TRHDE: variants seen among roughly 807,000 people sequenced by gnomAD.
TRHDE encodes thyrotropin-releasing hormone-degrading ectoenzyme.
A neutral mutation model predicts 125.7 loss-of-function variants in TRHDE; 72 were observed. That is an observed-to-expected ratio of 0.57 (90% CI 0.47 to 0.70). TRHDE has a LOEUF of 0.70. Among genes scored for constraint, TRHDE ranks in the 30% least tolerant of loss-of-function variants. The probability of loss-of-function intolerance (pLI) is 0.00; values close to 1 mark genes in which losing one functional copy is unlikely to be tolerated. For missense variants in TRHDE, 1,110 were observed against 1,327.1 expected (o/e 0.84, Z 2.54); for synonymous variants, 509 against 509.1 (o/e 1.00, Z 0.00).
At chr12:72,184,085 T>C (rs1432645170) in intron 2 of TRHDE, among the ~76,000 whole-genome samples, 1 of 152,212 alleles carries the variant, frequency 6.6e-6, no homozygotes. Flanking sequence ...TGTAGGCAAG[T>C]AGGGAAAATC....
At chr12:72,568,318 A>T (rs778291792) in intron 9 of TRHDE, among the ~76,000 whole-genome samples, 3 of 149,376 alleles carry the variant, frequency 2.0e-5, no homozygotes, top group Non-Finnish European at 2.9e-5. Flanking sequence ...TTTTCCCCCA[A>T]GAAAAATGGT....
rs1173326474 is a variant in TRHDE, at chr12:72,353,079, C to T, written c.1189-24916C>T. ...GGAACTAGGACTTGTTTTTCCCCCA[C>T]ACTTGTAGATTTGTCTTGTGGACAT... On this transcript the variant is annotated intron_variant, in intron 2 of 18. Transcript: ENST00000261180. Among the ~76,000 whole-genome samples the T allele has an allele frequency of 3.3e-5, 5 of 151,418 alleles. No individual in the cohort carries two copies. In the East Asian group the frequency reaches 9.7e-4, roughly 29 times the overall value.
chr12:72,282,988 C>A (rs1419437244), intron 1 of TRHDE, among the ~76,000 whole-genome samples: 1 of 152,098 alleles, frequency 6.6e-6, no homozygotes, highest in African/African-American at 2.4e-5. Context: ...AAATAATTAT[C>A]CAGCCTAAAA....
At position 72,647,746 on chromosome 12, in the gene TRHDE, T is replaced by C. The variant is rs547801330; in HGVS notation, c.2676-4576T>C. Reference sequence around the variant, plus strand: ...TGAAGAATTGGCAAGTCTGTACAGATCTATAACTGGGATGGAGATTGAATT... The same window carrying C: ...TGAAGAATTGGCAAGTCTGTACAGACCTATAACTGGGATGGAGATTGAATT... On this transcript the variant is annotated intron_variant, in intron 15 of 18. Coordinates refer to ENST00000261180, the MANE Select transcript of TRHDE (RefSeq NM_013381.3). Among the ~76,000 whole-genome samples the C allele has an allele frequency of 1.8e-4, 28 of 152,162 alleles. No homozygotes were observed. In the South Asian group the frequency reaches 5.2e-3, roughly 28 times the overall value.
At chr12:72,088,865 G>A (rs981945795) in intron 1 of TRHDE, among the ~76,000 whole-genome samples, 2 of 150,960 alleles carry the variant, frequency 1.3e-5, no homozygotes, top group Non-Finnish European at 2.9e-5. Context: ...TCAGCTTCTT[G>A]GTTTCAAATA....
At chr12:72,450,990 A>G (rs998832590) in intron 3 of TRHDE, among the ~76,000 whole-genome samples, 1 of 152,030 alleles carries the variant, frequency 6.6e-6, no homozygotes, top group Non-Finnish European at 1.5e-5. Flanking sequence ...TTCAAAATCA[A>G]ATTATTTGTT....
intron 3 of TRHDE, among the ~76,000 whole-genome samples, chr12:72,398,734 G>A (rs1872911547): frequency 6.6e-6 from 1 of 152,150 alleles, no homozygotes; most frequent in African/African-American, 2.4e-5. Flanking sequence ...TCCCTATGAA[G>A]ACAACAAATG....
At chr12:72,349,714 A>G (rs913506279) in intron 2 of TRHDE, among the ~76,000 whole-genome samples, 22 of 152,040 alleles carry the variant, frequency 1.4e-4, no homozygotes, top group African/African-American at 5.3e-4. Context: ...GTCAAAGAAG[A>G]CCAAGACATG....
intron 2 of TRHDE, chr12:72,167,738 C>T (rs1441787664): frequency 6.6e-6 from 1 of 152,154 alleles, no homozygotes; most frequent in African/African-American, 2.4e-5. Flanking sequence ...ATATTTCTCC[C>T]ATAATTGGAA....
chr12:72,514,382 G>A (rs1228328769), intron 6 of TRHDE, among the ~76,000 whole-genome samples: 1 of 151,904 alleles, frequency 6.6e-6, no homozygotes, highest in East Asian at 1.9e-4. Flanking sequence ...GACATTATAA[G>A]CAAAATGTAA....
intron 2 of TRHDE, among the ~76,000 whole-genome samples, chr12:72,232,681 G>T (rs1242183899): frequency 1.3e-5 from 2 of 152,074 alleles, no homozygotes; most frequent in African/African-American, 4.8e-5. Context: ...ATTCCAGGGA[G>T]GCTCTGACCT....
intron 2 of TRHDE, among the ~76,000 whole-genome samples, chr12:72,359,671 T>C (rs1388484731): frequency 1.3e-5 from 2 of 151,672 alleles, no homozygotes; most frequent in East Asian, 3.9e-4. Flanking sequence ...AGAGATATTA[T>C]TCCAAGGGGA....
At chr12:72,564,670 T>TTTA (rs1870350154) in intron 9 of TRHDE, among the ~76,000 whole-genome samples, 1 of 119,978 alleles carries the variant, frequency 8.3e-6, no homozygotes, top group Non-Finnish European at 1.8e-5. Flanking sequence ...TTTTTTTTTT[T>TTTA]TTTTTTTTTT....
rs550885217 is a variant in TRHDE at position 72,659,458 on chromosome 12, C to G, written c.3066+2450C>G. Among the ~76,000 whole-genome samples, 32 of 152,176 alleles carry G rather than the reference C, an allele frequency of 2.1e-4. 1 individual carries two copies. The highest frequency in any genetic ancestry group is 1.8e-3 in the Admixed American group (28 of 15,276). On this transcript the variant is annotated intron_variant, in intron 18 of 18. Coordinates refer to ENST00000261180, the MANE Select transcript of TRHDE (RefSeq NM_013381.3). ...TCACTGTTGTGGAGGAACATAGATC[C>G]TATGCATCAAAGGCATTACATTTAC...
At chr12:72,334,866 C>G (rs1336254199) in intron 2 of TRHDE, among the ~76,000 whole-genome samples, 1 of 152,130 alleles carries the variant, frequency 6.6e-6, no homozygotes. Context: ...CCCCGGGTCA[C>G]GCCAGGCAGG....
chr12:72,573,164 A>T (rs1378550590), intron 10 of TRHDE, among the ~76,000 whole-genome samples: 1 of 151,944 alleles, frequency 6.6e-6, no homozygotes, highest in Non-Finnish European at 1.5e-5. Context: ...TAAAAAAGAA[A>T]CAACATTCTC....
At chr12:72,653,198 G>T (rs181703061) in intron 17 of TRHDE, 42 bp downstream of exon 17, 2 of 1,544,954 alleles carry the variant, frequency 1.3e-6, no homozygotes, top group Admixed American at 3.8e-5. Context: ...AATTAAAGCC[G>T]ACATAGGAGG....
At chr12:72,507,765 G>C (rs2135944023) in intron 6 of TRHDE, among the ~76,000 whole-genome samples, 1 of 152,332 alleles carries the variant, frequency 6.6e-6, no homozygotes, top group South Asian at 2.1e-4. Flanking sequence ...GGGGAAAAAT[G>C]CCTTGAAGGC....
intron 9 of TRHDE, among the ~76,000 whole-genome samples, chr12:72,568,307 T>G (rs143338310): frequency 8.2e-4 from 125 of 152,078 alleles, no homozygotes; most frequent in African/African-American, 2.7e-3. Flanking sequence ...ATGCGAATCT[T>G]TTTTCCCCCA....
Sources: gnomAD v4.1 joint callset for allele counts (sites outside exome capture counted in the v4.1 genomes callset) on GRCh38, gnomAD v4.1.1 for gene constraint, MANE v1.5 for transcripts, NCBI Gene and HGNC (gene_info 2026-07-23, HGNC 2026-07-21) for gene names.